GGT6: variants seen among roughly 807,000 people sequenced by gnomAD.
The protein encoded by GGT6 is glutathione hydrolase 6.
A neutral mutation model predicts 17.0 loss-of-function variants in GGT6; 13 were observed. The ratio of observed to expected loss-of-function variants is 0.77; its 90% CI spans 0.50 to 1.22. GGT6 has a LOEUF of 1.22. Ranked by LOEUF, GGT6 falls within the 50% of genes most tolerant of loss-of-function variation. The pLI, the probability that GGT6 is intolerant of heterozygous loss-of-function variation, is 0.00. For synonymous variants in GGT6, 305 were observed against 297.9 expected (o/e 1.02, Z -0.25); for missense variants, 628 against 643.7 (o/e 0.98, Z 0.26).
rs937202066 is a variant in GGT6 at position 4,557,073 on chromosome 17, G to A, written c.*942C>T. On this transcript the variant is annotated 3_prime_UTR_variant, in exon 4 of 4. Transcript: ENST00000381550. ...TCGTGGGGCCCAGGGCCTAGGCAGA[G>A]GCTCTGCACTCTTTCCACTGTCCTC... 2.0e-5 allele frequency: 3 copies of A among 152,212 alleles called. No homozygotes were observed. The highest frequency in any genetic ancestry group is 6.5e-5 in the Admixed American group (1 of 15,270). The allele number at this position is 152,212 out of a possible 1,614,324, so 9.4% of individuals were successfully genotyped here. A position where few individuals can be genotyped will look rare whatever the true frequency, so the allele number is the denominator to read the frequency against.
In GGT6 at chr17:4,558,877, G is replaced by A. The variant is rs759310671; in HGVS notation, c.638C>T (p.Thr213Met). 99 of 1,547,374 alleles carry A rather than the reference G, an allele frequency of 6.4e-5. No homozygotes were observed. Among genetic ancestry groups the A allele is most frequent in the Middle Eastern group, 1.7e-4 (1 of 5,988 alleles). Residue 213 changes from threonine (T) to methionine (M), a missense_variant, in exon 4 of 4, where the codon ACG becomes ATG. Coordinates refer to ENST00000381550, the MANE Select transcript of GGT6 (RefSeq NM_001288702.2). The part of the protein sequence containing the change: ...PWPRLLVGPT[T>M]LAQEGFLVDT... ...CACCAGGAAGCCCTCCTGAGCCAGC[G>A]TGGTGGGGCCCACTAGCAGGCGTGG... is the stretch of plus-strand genomic sequence containing the variant.
In GGT6 at chr17:4,557,994, G is replaced by A. The variant is rs1908284890; in HGVS notation, c.*21C>T. The A allele has an allele frequency of 8.2e-6, 12 of 1,470,704 alleles. No homozygotes were observed. The highest frequency in any genetic ancestry group is 1.1e-5 in the Non-Finnish European group (12 of 1,099,472). The allele number at this position is 1,470,704 out of a possible 1,614,324, so 91.1% of individuals were successfully genotyped here. The stretch of plus-strand genomic sequence containing the variant: ...CATGCTTCAGATAACTCTGCCTTCT[G>A]CCAGACCCACCCCCATCCTGTTAGA... On this transcript the variant is annotated 3_prime_UTR_variant, in exon 4 of 4. Transcript: ENST00000381550.
rs950972010 is a variant in GGT6, at chr17:4,557,310, C to T, written c.*705G>A. The T allele has an allele frequency of 1.4e-5, 2 of 144,762 alleles. No homozygotes were observed. Among genetic ancestry groups the T allele is most frequent in the Admixed American group, 1.4e-4 (2 of 14,440 alleles). The allele number at this position is 144,762 out of a possible 1,614,324, so 9.0% of individuals were successfully genotyped here. On this transcript the variant is annotated 3_prime_UTR_variant, in exon 4 of 4. Coordinates refer to ENST00000381550, the MANE Select transcript of GGT6 (RefSeq NM_001288702.2). ...AGCCAGCAGTGAGCACATAATAAAT[C>T]CTTTTTTTTTTTTTTTTTTTTAGAC...
chr17:4,560,476 A>C lies in GGT6; in HGVS notation c.46T>G (p.Trp16Gly). 6.2e-7 allele frequency: 1 copy of C among 1,613,628 alleles called. No individual in the cohort carries two copies. Among genetic ancestry groups the C allele is most frequent in the Middle Eastern group, 1.6e-4 (1 of 6,062 alleles). Residue 16 changes from tryptophan to glycine, a missense_variant, in exon 1 of 4, where the codon TGG becomes GGG. By Grantham distance (184) the Trp-to-Gly change is radical (BLOSUM62 -2). Transcript: ENST00000381550. ...EPVVYQKLLP[W>G]EPSLESEEEV... The stretch of plus-strand genomic sequence containing the variant: ...TCCTCCGACTCCAAGCTTGGCTCCC[A>C]GGGCAGCAGCTTCTGATAGACCACG...
In GGT6 at chr17:4,558,986, G is replaced by A. The variant is rs946895949; in HGVS notation, c.529C>T (p.Gln177Ter). 2 of 1,545,816 alleles carry A rather than the reference G, an allele frequency of 1.3e-6. No homozygotes were observed. The highest frequency in any genetic ancestry group is 1.4e-5 in the African/African-American group (1 of 73,148). The change falls in exon 4 of 4, where the codon CAG (glutamine) becomes TAG (stop). Residue 177 changes from glutamine (Q) to a stop codon, truncating the protein, a stop_gained. Transcript: ENST00000381550. LOFTEE classifies it low-confidence loss of function (END_TRUNC). ...AGCCCCAGGCCGGGGGCCAGGGTCT[G>A]TGCTGGGCCTGATGTCAGGGCCGTG... ...NSTALTSGPA[Q>*]TLAPGLGLPA... is the part of the protein sequence containing the mutation.
chr17:4,558,771 G>A lies in GGT6; in HGVS notation c.744C>T (p.Pro248=). The change falls in exon 4 of 4, where the codon CCC becomes CCT. Residue 248 remains proline (P), a synonymous_variant. Transcript: ENST00000381550. ...TGGTGGCTCGGGCCCCAGCGCCCAG[G>A]GGTGTCCCATCAGCATGGCAAAGTA... ...CPLLCHADGT[P]LGAGARATNP... 6.4e-7 allele frequency: 1 copy of A among 1,572,346 alleles called. No homozygotes were observed. Among genetic ancestry groups the A allele is most frequent in the Non-Finnish European group, 8.6e-7 (1 of 1,159,568 alleles).
chr17:4,558,038 A>C lies in GGT6; in HGVS notation c.1477T>G (p.Cys493Gly). 2 of 1,550,146 alleles carry C rather than the reference A, an allele frequency of 1.3e-6. No individual in the cohort carries two copies. The highest frequency in any genetic ancestry group is 2.5e-5 in the South Asian group (2 of 80,982). Reference sequence around the variant, plus strand: ...TGTTAGAACCCCTGGAAGGGGCAGCAGGCATGGGGGACACTGGAGACATGG... The same window carrying C: ...TGTTAGAACCCCTGGAAGGGGCAGCCGGCATGGGGGACACTGGAGACATGG... ...HAHVSSVPHA[C>G]CPFQGF The change falls in exon 4 of 4, where the codon TGC becomes GGC. Residue 493 changes from cysteine (C) to glycine (G), a missense_variant. Physicochemically the swap from Cys to Gly is radical, Grantham distance 159. Coordinates refer to ENST00000381550, the MANE Select transcript of GGT6 (RefSeq NM_001288702.2).
In GGT6 at chr17:4,560,523, GC is replaced by G. The variant is rs1462773726; in HGVS notation, c.-3del. 1 of 1,609,180 alleles carries G rather than the reference GC, an allele frequency of 6.2e-7. No homozygotes were observed. ...CACGGGCTCTTCTGCCCGCTCCATG[GC>G]CCCCCAGTGCTCGCCCCAGCCCTCC... On this transcript the variant is annotated 5_prime_UTR_variant, in exon 1 of 4. Transcript: ENST00000381550.
rs769474064 is a variant in GGT6, at chr17:4,558,355, C to T, written c.1160G>A (p.Ser387Asn). Residue 387 changes from serine (S) to asparagine (N), a missense_variant, in exon 4 of 4, where the codon AGC (serine) becomes AAC (asparagine). Ser to Asn is a conservative substitution (Grantham distance 46, BLOSUM62 1). Coordinates refer to ENST00000381550, the MANE Select transcript of GGT6 (RefSeq NM_001288702.2). ...CAGGTTGCTGAGCAGAACCCCAGTG[C>T]TTGGGGACAGGTGTGCAGAGCCAAA... ...CSFGSAHLSPSTGVLLSNLVA... is the reference protein window; with the variant it reads ...CSFGSAHLSPNTGVLLSNLVA... The T allele has an allele frequency of 1.9e-6, 3 of 1,607,764 alleles. No individual in the cohort carries two copies. The highest frequency in any genetic ancestry group is 2.2e-5 in the South Asian group (2 of 91,088).
chr17:4,557,742 C>T lies in GGT6; in HGVS notation c.*273G>A, dbSNP rs1252009807. On this transcript the variant is annotated 3_prime_UTR_variant, in exon 4 of 4. Transcript: ENST00000381550. The stretch of plus-strand genomic sequence containing the variant: ...CTGAGCTCAAGCGAGCTTCCTGCCT[C>T]AGCCTCCCAAGCAGCTGGGACAACA... The T allele has an allele frequency of 2.8e-6, 1 of 354,262 alleles. No individual in the cohort carries two copies. Among genetic ancestry groups the T allele is most frequent in the Non-Finnish European group, 5.1e-6 (1 of 195,056 alleles). The allele number at this position is 354,262 out of a possible 1,614,324, so 21.9% of individuals were successfully genotyped here.
chr17:4,558,275 G>C lies in GGT6; in HGVS notation c.1240C>G (p.Leu414Val). 1.2e-6 allele frequency: 2 copies of C among 1,614,116 alleles called. No homozygotes were observed. Among genetic ancestry groups the C allele is most frequent in the Non-Finnish European group, 1.7e-6 (2 of 1,180,044 alleles). Reference sequence around the variant, plus strand: ...AACACATCAGCCTCTGTGTCATCCAGGCTGCCACGGAGGATGAGGGGGCAG... The same window carrying C: ...AACACATCAGCCTCTGTGTCATCCACGCTGCCACGGAGGATGAGGGGGCAG... ...WACPLILRGS[L>V]DDTEADVLGL... The change falls in exon 4 of 4, where the codon CTG (leucine) becomes GTG (valine). Residue 414 changes from leucine to valine, a missense_variant. Leu to Val is a conservative substitution (Grantham distance 32). Transcript: ENST00000381550.
At chr17:4,559,232 T>C in intron 3 of GGT6, 111 bp downstream of exon 3, 1 of 1,190,514 alleles carries the variant, frequency 8.4e-7, no homozygotes, top group Non-Finnish European at 1.2e-6. Flanking sequence ...GCCCAAACCC[T>C]AAGTCCTGCT....
chr17:4,560,438 C>G lies in GGT6; in HGVS notation c.84G>C (p.Glu28Asp), dbSNP rs1908564678. The change falls in exon 1 of 4, where the codon GAG becomes GAC. Residue 28 changes from glutamate to aspartate, a missense_variant. Transcript: ENST00000381550. ...GAACCAGCGCCTCTGATGTCTCCTCCTCCTCCACTTCCTCCTCCGACTCCA... is the reference window on the plus strand; with the variant it reads ...GAACCAGCGCCTCTGATGTCTCCTCGTCCTCCACTTCCTCCTCCGACTCCA... ...PSLESEEEVE[E>D]EETSEALVLN... 1.2e-6 allele frequency: 2 copies of G among 1,613,890 alleles called. No homozygotes were observed. Among genetic ancestry groups the G allele is most frequent in the Non-Finnish European group, 8.5e-7 (1 of 1,179,910 alleles).
Position 4,558,277 on chromosome 17 carries a change from C to G in GGT6, c.1238G>C (p.Ser413Thr). 1 of 1,614,088 alleles carries G rather than the reference C, an allele frequency of 6.2e-7. No individual in the cohort carries two copies. Among genetic ancestry groups the G allele is most frequent in the Non-Finnish European group, 8.5e-7 (1 of 1,180,030 alleles). The change falls in exon 4 of 4, where the codon AGC becomes ACC. Residue 413 changes from serine to threonine, a missense_variant. By Grantham distance (58) the Ser-to-Thr change is moderately conservative. Coordinates refer to ENST00000381550, the MANE Select transcript of GGT6 (RefSeq NM_001288702.2). ...AWACPLILRG[S>T]LDDTEADVLG... is the part of the protein sequence containing the mutation. ...CACATCAGCCTCTGTGTCATCCAGG[C>G]TGCCACGGAGGATGAGGGGGCAGGC...
At chr17:4,559,815 C>G (rs762361451) in intron 1 of GGT6, 55 bp from the exon 2 acceptor site, 111 of 1,486,582 alleles carry the variant, frequency 7.5e-5, no homozygotes, top group Non-Finnish European at 9.6e-5. Flanking sequence ...GCCCAAGGAC[C>G]CCAAGAGACC....
Position 4,559,412 on chromosome 17 carries a change from T to G in GGT6, c.388A>C (p.Asn130His), listed in dbSNP as rs979062615. ...GCTCCAACTCCAGCATCCACGACGT[T>G]GCCCCCGGCAACAAGCAGCTCTCGG... ...LGRELLVAGG[N>H]VVDAGVGAAL... Residue 130 changes from asparagine to histidine, a missense_variant, in exon 3 of 4, where the codon AAC becomes CAC. Coordinates refer to ENST00000381550, the MANE Select transcript of GGT6 (RefSeq NM_001288702.2). The G allele has an allele frequency of 3.2e-6, 5 of 1,551,780 alleles. No homozygotes were observed. Among genetic ancestry groups the G allele is most frequent in the Non-Finnish European group, 4.4e-6 (5 of 1,147,046 alleles).
In GGT6 at chr17:4,557,442, T is replaced by G. The variant is rs933351557; in HGVS notation, c.*573A>C. On this transcript the variant is annotated 3_prime_UTR_variant, in exon 4 of 4. Coordinates refer to ENST00000381550, the MANE Select transcript of GGT6 (RefSeq NM_001288702.2). ...GATTCTCCTGCCTCAGCCTCCCAAGTAGCTGGGATTACAGGTGCCCGCCAC... is the reference window on the plus strand; with the variant it reads ...GATTCTCCTGCCTCAGCCTCCCAAGGAGCTGGGATTACAGGTGCCCGCCAC... 3 of 149,490 alleles carry G rather than the reference T, an allele frequency of 2.0e-5. No homozygotes were observed. The highest frequency in any genetic ancestry group is 3.0e-5 in the Non-Finnish European group (2 of 67,414). The allele number at this position is 149,490 out of a possible 1,614,324, so 9.3% of individuals were successfully genotyped here. A position where few individuals can be genotyped will look rare whatever the true frequency, so the allele number is the denominator to read the frequency against.
Position 4,560,524 on chromosome 17 carries a change from C to A in GGT6, c.-3G>T. The A allele has an allele frequency of 6.2e-7, 1 of 1,608,670 alleles. No individual in the cohort carries two copies. Among genetic ancestry groups the A allele is most frequent in the South Asian group, 1.1e-5 (1 of 91,026 alleles). On this transcript the variant is annotated 5_prime_UTR_variant, in exon 1 of 4. Transcript: ENST00000381550. ...ACGGGCTCTTCTGCCCGCTCCATGG[C>A]CCCCCAGTGCTCGCCCCAGCCCTCC...
At position 4,560,428 on chromosome 17, in the gene GGT6, A is replaced by G. The variant is rs768248217; in HGVS notation, c.94T>C (p.Ser32Pro). Residue 32 changes from serine to proline, a missense_variant, in exon 1 of 4, where the codon TCA becomes CCA. By Grantham distance (74) the Ser-to-Pro change is moderately conservative. Transcript: ENST00000381550. ...CGGGGGTTTAGAACCAGCGCCTCTG[A>G]TGTCTCCTCCTCCTCCACTTCCTCC... ...SEEEVEEEET[S>P]EALVLNPRRH... The G allele has an allele frequency of 6.2e-7, 1 of 1,614,038 alleles. No homozygotes were observed. Among genetic ancestry groups the G allele is most frequent in the South Asian group, 1.1e-5 (1 of 91,086 alleles).
Sources: gnomAD v4.1 joint callset for allele counts on GRCh38, gnomAD v4.1.1 for gene constraint, MANE v1.5 for transcripts, NCBI Gene and HGNC (gene_info 2026-07-23, HGNC 2026-07-21) for gene names.